Variants in LGI4 observed in about 807,000 individuals in gnomAD.
LGI4 encodes leucine-rich repeat LGI family member 4.
LGI4 carries 36 observed loss-of-function variants against 48.3 expected under a neutral mutation model. The ratio of observed to expected loss-of-function variants is 0.75; its 90% confidence interval spans 0.57 to 0.98. LGI4 has a LOEUF of 0.98. Among genes scored for constraint, LGI4 ranks in the 50% least tolerant of loss-of-function variants. The pLI is 0.00. For missense variants in LGI4, 701 were observed against 732.1 expected (o/e 0.96, Z 0.49); for synonymous variants, 355 against 331.6 (o/e 1.07, Z -0.77).
intron 3 of LGI4, among the ~76,000 whole-genome samples, chr19:35,133,145 C>A (rs994071394): frequency 2.0e-5 from 3 of 152,094 alleles, no homozygotes; most frequent in Non-Finnish European, 4.4e-5. Flanking sequence ...ATAATGCCAC[C>A]AATCCCATGT....
chr19:35,125,569 C>CT, intron 8 of LGI4, 62 bp from the exon 9 acceptor site: 3 of 1,387,128 alleles, frequency 2.2e-6, no homozygotes, highest in Non-Finnish European at 2.9e-6. Context: ...CGTGGAACAG[C>CT]TTGGAAGCAG....
intron 6 of LGI4, chr19:35,131,018 G>A: frequency 1.7e-6 from 1 of 573,236 alleles, no homozygotes; most frequent in Non-Finnish European, 3.1e-6. Context: ...GAAAAGGCGA[G>A]TCAATGTAAA....
In LGI4 at chr19:35,126,653, T is replaced by C. The variant is rs1270486810; in HGVS notation, c.916A>G (p.Thr306Ala). The change falls in exon 8 of 9, where the codon ACG (threonine) becomes GCG (alanine). Residue 306 changes from threonine to alanine, a missense_variant. Thr to Ala is a moderately conservative substitution (Grantham distance 58). Around this residue, in one of 3 missense-constraint regions of LGI4, gnomAD observed 462 missense variants for 436.4 expected, o/e 1.06. Coordinates refer to ENST00000310123, the MANE Select transcript of LGI4 (RefSeq NM_139284.3). ...RPSPGLRLAP[T>A]QTLAPRRLLR... ...AGCCGCCGCGGGGCCAGGGTCTGCG[T>C]TGGGGCCAGGCGCAGGCCGGGACTG... The C allele has an allele frequency of 9.8e-6, 15 of 1,537,464 alleles. No homozygotes were observed. In the Admixed American group the frequency reaches 1.4e-4, roughly 14 times the overall value.
In LGI4 at chr19:35,124,620, G is replaced by C. The variant is rs2065115919; in HGVS notation, c.*573C>G. 7.6e-6 allele frequency: 1 copy of C among 132,168 alleles called. No individual in the cohort carries two copies. Among genetic ancestry groups the C allele is most frequent in the Non-Finnish European group, 1.7e-5 (1 of 58,878 alleles). The allele number at this position is 132,168 out of a possible 1,614,324, so 8.2% of individuals were successfully genotyped here. On this transcript the variant is annotated 3_prime_UTR_variant, in exon 9 of 9. Coordinates refer to ENST00000310123, the MANE Select transcript of LGI4 (RefSeq NM_139284.3). ...GCGACACCTCCCGCTGTCCCTCCCT[G>C]TGCCCCGGCGCACGCGCAAGAGGCG...
intron 8 of LGI4, chr19:35,125,939 A>G (rs894173474): frequency 1.5e-5 from 8 of 528,240 alleles, no homozygotes; most frequent in African/African-American, 1.3e-4. Context: ...CACTCCAGAA[A>G]CAGTGGGCAG....
rs2065188819 is a variant in LGI4 at position 35,133,496 on chromosome 19, C to A, written c.314+197G>T. The A allele has an allele frequency of 3.5e-6, 5 of 1,418,982 alleles. No individual in the cohort carries two copies. The South Asian group carries it at 7.7e-5, about 22-fold the overall frequency. 87.9% of individuals were successfully genotyped at this position (1,418,982 alleles called of 1,614,324 possible). A position where few individuals can be genotyped will look rare whatever the true frequency, so the allele number is the denominator to read the frequency against. On this transcript the variant is annotated intron_variant, in intron 3 of 8. Transcript: ENST00000310123. ...TCAACACTGATAAACATCATTGACA[C>A]CAGCCCTGAGAACTTCATCAGTATC...
At chr19:35,129,165 A>G (rs2065159177) in intron 6 of LGI4, among the ~76,000 whole-genome samples, 1 of 152,164 alleles carries the variant, frequency 6.6e-6, no homozygotes, top group Non-Finnish European at 1.5e-5. Flanking sequence ...AGGGCTGGGC[A>G]CTGAGTGGAC....
At chr19:35,133,609 C>A (rs965750945) in intron 3 of LGI4, 84 bp downstream of exon 3, 1 of 1,508,912 alleles carries the variant, frequency 6.6e-7, no homozygotes, top group African/African-American at 1.4e-5. Context: ...AGGGCCACAG[C>A]TCCCATCTCC....
intron 1 of LGI4, among the ~76,000 whole-genome samples, 198 bp from the exon 2 acceptor site, chr19:35,134,302 C>T (rs1025169746): frequency 6.6e-6 from 1 of 152,196 alleles, no homozygotes; most frequent in African/African-American, 2.4e-5. Flanking sequence ...CTCCTGGGCC[C>T]CAAATGCTGT....
rs747224436 is a variant in LGI4, at chr19:35,126,567, G to A, written c.1002C>T (p.Ala334=). ...TGGTGCTGCCCGCCTTGGAGGCATC[G>A]GCCACCACGAAGCAGGGTTGCCCTT... is the stretch of plus-strand genomic sequence containing the variant. ...WLEGQPCFVV[A]DASKAGSTTL... Residue 334 remains alanine (A), a synonymous_variant, in exon 8 of 9, where the codon GCC becomes GCT. Coordinates refer to ENST00000310123, the MANE Select transcript of LGI4 (RefSeq NM_139284.3). 5.2e-6 allele frequency: 8 copies of A among 1,539,666 alleles called. No individual in the cohort carries two copies. The African/African-American group carries it at 8.2e-5, about 16-fold the overall frequency.
rs769095176 is a variant in LGI4 at position 35,134,068 on chromosome 19, G to A, written c.207C>T (p.Ala69=). The change falls in exon 2 of 9, where the codon GCC becomes GCT. Residue 69 remains alanine (A), a synonymous_variant. Coordinates refer to ENST00000310123, the MANE Select transcript of LGI4 (RefSeq NM_139284.3). ...LVRTGVTQLK[A]GSFLRIPSLH... ...GAGACGGAATTCTCAGGAAGCTGCC[G>A]GCCTTCAGCTGGGTGACTCCCGTCC... 7 of 1,566,448 alleles carry A rather than the reference G, an allele frequency of 4.5e-6. No individual in the cohort carries two copies. The highest frequency in any genetic ancestry group is 2.4e-5 in the South Asian group (2 of 84,950).
In LGI4 at chr19:35,132,179, CCT is replaced by C. The variant is rs1329010582; in HGVS notation, c.315-139_315-138del. The stretch of plus-strand genomic sequence containing the variant: ...AATCCCAGGGAAAGCCTCTCAAAAA[CCT>C]CTCCTCCCAAAGTCCCAGCCATCAA... On this transcript the variant is annotated intron_variant, in intron 3 of 8. Coordinates refer to ENST00000310123, the MANE Select transcript of LGI4 (RefSeq NM_139284.3). 6.8e-6 allele frequency: 5 copies of C among 737,402 alleles called. No homozygotes were observed. In the African/African-American group the frequency reaches 8.7e-5, roughly 13 times the overall value. The allele number at this position is 737,402 out of a possible 1,614,324, so 45.7% of individuals were successfully genotyped here.
intron 6 of LGI4, among the ~76,000 whole-genome samples, chr19:35,128,521 C>T (rs2065154844): frequency 6.6e-6 from 1 of 152,130 alleles, no homozygotes; most frequent in African/African-American, 2.4e-5. Flanking sequence ...GCAGCCTGGA[C>T]AACATGGTGA....
chr19:35,127,619 C>T (rs948808124), intron 6 of LGI4, among the ~76,000 whole-genome samples: 1 of 152,164 alleles, frequency 6.6e-6, no homozygotes, highest in African/African-American at 2.4e-5. Context: ...AACTCCTGAC[C>T]TCATAATCTG....
At chr19:35,134,219 C>A in intron 1 of LGI4, 115 bp from the exon 2 acceptor site, 1 of 976,540 alleles carries the variant, frequency 1.0e-6, no homozygotes, top group South Asian at 1.4e-5. Context: ...CTGGATGTGT[C>A]TCCCCTGCAT....
At chr19:35,131,152 C>T (rs576516435) in intron 6 of LGI4, 207 of 627,152 alleles carry the variant, frequency 3.3e-4, no homozygotes, top group South Asian at 1.7e-4. Flanking sequence ...CCAGGCCCGG[C>T]GCCAAATGCC....
At chr19:35,134,444 A>G (rs2065195702) in intron 1 of LGI4, 67 bp downstream of exon 1, 2 of 1,506,432 alleles carry the variant, frequency 1.3e-6, no homozygotes, top group African/African-American at 1.4e-5. Context: ...CCGGCACCAC[A>G]TCCCAACCTC....
intron 6 of LGI4, among the ~76,000 whole-genome samples, chr19:35,130,590 G>C (rs1054739627): frequency 2.0e-5 from 3 of 152,174 alleles, no homozygotes; most frequent in Non-Finnish European, 2.9e-5. Flanking sequence ...CCAGCTATTT[G>C]TCAGGCTTAG....
In LGI4 at chr19:35,134,644, C is replaced by T; in HGVS notation, c.37G>A (p.Gly13Arg). 6.5e-7 allele frequency: 1 copy of T among 1,546,928 alleles called. No individual in the cohort carries two copies. The highest frequency in any genetic ancestry group is 8.8e-7 in the Non-Finnish European group (1 of 1,139,736). ...GAGILLLLLA[G>R]AGVVVAWRPP... Reference sequence around the variant, plus strand: ...CTCCAGGCCACCACCACCCCCGCCCCAGCCAGCAGCAGCAGCAGAATGCCT... The same window carrying T: ...CTCCAGGCCACCACCACCCCCGCCCTAGCCAGCAGCAGCAGCAGAATGCCT... The change falls in exon 1 of 9, where the codon GGG (glycine) becomes AGG (arginine). Residue 13 changes from glycine to arginine, a missense_variant. By Grantham distance (125) the Gly-to-Arg change is moderately radical (BLOSUM62 -2). Around this residue, in one of 3 missense-constraint regions of LGI4, gnomAD observed 462 missense variants for 436.4 expected, o/e 1.06. Coordinates refer to ENST00000310123, the MANE Select transcript of LGI4 (RefSeq NM_139284.3).
Sources: allele counts gnomAD v4.1 joint callset (sites outside exome capture counted in the v4.1 genomes callset), GRCh38; gene constraint gnomAD v4.1.1; regional missense constraint gnomAD v4.1.1; transcripts MANE v1.5; gene names NCBI Gene and HGNC (gene_info 2026-07-23, HGNC 2026-07-21).